Variants in BLTP1 observed in about 807,000 individuals in gnomAD.
BLTP1 encodes the protein bridge-like lipid transfer protein family member 1.
the BLTP1 span, chr4:122,255,213 G>A: frequency 6.2e-7 from 1 of 1,613,034 alleles, no homozygotes; most frequent in Non-Finnish European, 8.5e-7. Context: ...AATCCTTCAT[G>A]TTTACTATGT....
chr4:122,254,857 C>A, the BLTP1 span: 3 of 1,613,296 alleles, frequency 1.9e-6, no homozygotes, highest in Non-Finnish European at 2.5e-6. Flanking sequence ...ATGGCTTGTT[C>A]CCATTGACCA....
At chr4:122,353,009 T>C in the BLTP1 span, 1 of 1,614,072 alleles carries the variant, frequency 6.2e-7, no homozygotes, top group Non-Finnish European at 8.5e-7. The surrounding 1 kb of genome is among the most constrained non-coding windows in gnomAD (Gnocchi z 4.3). Context: ...GGAATGCAAT[T>C]TGGAGGATCA....
At chr4:122,354,073 G>C in the BLTP1 span, 1 of 1,466,112 alleles carries the variant, frequency 6.8e-7, no homozygotes, top group Admixed American at 1.8e-5. Context: ...TTTGGATTCT[G>C]TTGACTGTGT....
At chr4:122,256,476 A>G in the BLTP1 span, among the ~76,000 whole-genome samples, 1 of 152,168 alleles carries the variant, frequency 6.6e-6, no homozygotes, top group African/African-American at 2.4e-5. Flanking sequence ...ATGAAAGGAG[A>G]GGCTAGTGGA....
At chr4:122,154,771 C>G in the BLTP1 span, 2 of 166,802 alleles carry the variant, frequency 1.2e-5, no homozygotes, top group Non-Finnish European at 2.5e-5. Flanking sequence ...ACTCGGGAGG[C>G]TGAGGCAGGA....
the BLTP1 span, chr4:122,192,142 C>A: frequency 6.9e-7 from 1 of 1,454,632 alleles, no homozygotes; most frequent in Non-Finnish European, 9.2e-7. Flanking sequence ...TTCCTGAGAC[C>A]AAAAAATGTT....
At chr4:122,254,266 C>G in the BLTP1 span, 1 of 1,612,880 alleles carries the variant, frequency 6.2e-7, no homozygotes, top group Non-Finnish European at 8.5e-7. Flanking sequence ...ATTCATGTAG[C>G]ATGAAGTTGA....
chr4:122,235,272 GA>G, the BLTP1 span: 1 of 885,496 alleles, frequency 1.1e-6, no homozygotes, highest in Non-Finnish European at 1.4e-6. Context: ...TTTCCTCACA[GA>G]ATTTTTTCTA....
At chr4:122,221,953 T>C in the BLTP1 span, 12 of 955,396 alleles carry the variant, frequency 1.3e-5, no homozygotes, top group Non-Finnish European at 1.4e-5. Context: ...TTGAGCTGAT[T>C]ATGAATGTTC....
chr4:122,230,332 A>C, the BLTP1 span: 9 of 798,500 alleles, frequency 1.1e-5, no homozygotes, highest in Non-Finnish European at 1.8e-5. Context: ...ACCTAACATG[A>C]TTGTGCTGCT....
At chr4:122,317,920 C>G in the BLTP1 span, among the ~76,000 whole-genome samples, 1 of 152,064 alleles carries the variant, frequency 6.6e-6, no homozygotes, top group African/African-American at 2.4e-5. Flanking sequence ...GCCAAAGAGA[C>G]TCTTGATGCA....
the BLTP1 span, among the ~76,000 whole-genome samples, chr4:122,314,870 C>CA: frequency 4.6e-5 from 7 of 152,252 alleles, no homozygotes; most frequent in Non-Finnish European, 1.0e-4. Flanking sequence ...ATGGTTATTT[C>CA]AGGGAAGAGA....
the BLTP1 span, among the ~76,000 whole-genome samples, chr4:122,240,623 T>A: frequency 2.6e-5 from 4 of 152,220 alleles, no homozygotes; most frequent in Admixed American, 2.0e-4. Context: ...AAGATTAGGA[T>A]CAACTCTCTC....
chr4:122,275,823 T>C, the BLTP1 span: 1 of 849,482 alleles, frequency 1.2e-6, no homozygotes, highest in Non-Finnish European at 1.6e-6. Context: ...TGGAAAAAAA[T>C]GGTTCAAATG....
chr4:122,349,427 AT>A, the BLTP1 span: 2 of 1,564,978 alleles, frequency 1.3e-6, no homozygotes, highest in East Asian at 4.6e-5. This position sits in a 1 kb window ranked among gnomAD's most constrained non-coding sequence, Gnocchi z 4.5. Context: ...GTCTGTCAAA[AT>A]TAATTATTGT....
the BLTP1 span, chr4:122,254,480 T>G: frequency 3.0e-5 from 39 of 1,308,406 alleles, no homozygotes; most frequent in Non-Finnish European, 3.9e-5. Context: ...TTCATCATTC[T>G]TACTTCATAT....
At chr4:122,274,274 G>A in the BLTP1 span, 9 of 899,434 alleles carry the variant, frequency 1.0e-5, no homozygotes, top group African/African-American at 1.6e-4. Context: ...TGAATAAAAT[G>A]TAATTTTAAT....
the BLTP1 span, among the ~76,000 whole-genome samples, chr4:122,361,392 A>G: frequency 5.9e-5 from 9 of 152,202 alleles, no homozygotes; most frequent in Non-Finnish European, 1.2e-4. Context: ...ACTCAGCCAC[A>G]GACAACATAG....
chr4:122,167,725 TA>T, the BLTP1 span: 1 of 985,164 alleles, frequency 1.0e-6, no homozygotes, highest in Admixed American at 6.2e-5. Context: ...ATTGGATACT[TA>T]ATTTATTCAT....
Sources: gnomAD v4.1 joint callset for allele counts (sites outside exome capture counted in the v4.1 genomes callset) on GRCh38, gnomAD v4.1.1 for gene constraint, Gnocchi (gnomAD v3.1) non-coding constraint, MANE v1.5 for transcripts, NCBI Gene and HGNC (gene_info 2026-07-23, HGNC 2026-07-21) for gene names.